The following UBXN7 variants were observed in gnomAD, a reference collection of about 807,000 sequenced individuals.
The protein encoded by UBXN7 is UBX domain-containing protein 7.
A neutral mutation model predicts 58.0 loss-of-function variants in UBXN7; 9 were observed. The ratio of observed to expected loss-of-function variants is 0.16; its 90% CI spans 0.09 to 0.27. UBXN7 has a LOEUF of 0.27. UBXN7 is among the 10% of genes least tolerant of loss of function. UBXN7 has a pLI of 1.00. For missense variants in UBXN7, 328 were observed against 599.6 expected (o/e 0.55, Z 4.73); for synonymous variants, 208 against 205.0 (o/e 1.01, Z -0.12).
Position 196,391,944 on chromosome 3 carries a change from A to G in UBXN7, c.356-19T>C. ...TGCCGAACTATAATACAGAAGGATGAAAGTTTCAGTTAGCCATAATCATGA... is the reference window on the plus strand; with the variant it reads ...TGCCGAACTATAATACAGAAGGATGGAAGTTTCAGTTAGCCATAATCATGA... On this transcript the variant is annotated intron_variant, in intron 4 of 10. Transcript: ENST00000296328. The G allele has an allele frequency of 7.0e-7, 1 of 1,428,610 alleles. No homozygotes were observed. Among genetic ancestry groups the G allele is most frequent in the East Asian group, 2.5e-5 (1 of 40,598 alleles). 88.5% of individuals were successfully genotyped at this position (1,428,610 alleles called of 1,614,324 possible).
intron 1 of UBXN7, among the ~76,000 whole-genome samples, chr3:196,426,007 C>A (rs1446566184): frequency 6.6e-6 from 1 of 152,078 alleles, no homozygotes; most frequent in South Asian, 2.1e-4. Flanking sequence ...AAGATGTGAA[C>A]CATGCCTGGC....
At chr3:196,408,586 T>C (rs575992028) in intron 1 of UBXN7, among the ~76,000 whole-genome samples, 2 of 152,310 alleles carry the variant, frequency 1.3e-5, no homozygotes, top group African/African-American at 4.8e-5. Context: ...ATCTGAATTA[T>C]GTCCCTTAGA....
chr3:196,376,545 C>CAAAAAAAAAAA (rs777458391), intron 5 of UBXN7, among the ~76,000 whole-genome samples: 14 of 50,810 alleles, frequency 2.8e-4, no homozygotes, highest in Non-Finnish European at 3.6e-4. Context: ...GACTCTGTCT[C>CAAAAAAAAAAA]AAAAAAAAAA....
intron 5 of UBXN7, among the ~76,000 whole-genome samples, chr3:196,379,739 T>G (rs1231226039): frequency 1.3e-5 from 2 of 152,038 alleles, no homozygotes. Flanking sequence ...GGGTTGGGGG[T>G]ATCTTCGGTA....
intron 3 of UBXN7, among the ~76,000 whole-genome samples, chr3:196,402,017 A>G (rs11720438): frequency 2.0e-5 from 3 of 151,986 alleles, no homozygotes; most frequent in Admixed American, 1.3e-4. Context: ...TCTTGTACTC[A>G]ATTGTATTTA....
At chr3:196,409,957 T>G (rs1381461699) in intron 1 of UBXN7, among the ~76,000 whole-genome samples, 4 of 137,766 alleles carry the variant, frequency 2.9e-5, no homozygotes, top group Non-Finnish European at 6.4e-5. Flanking sequence ...TTTTTTTTTT[T>G]GAGACGGAGT....
intron 10 of UBXN7, among the ~76,000 whole-genome samples, 196 bp from the exon 11 acceptor site, chr3:196,357,042 C>T (rs1350495473): frequency 6.6e-6 from 1 of 152,180 alleles, no homozygotes; most frequent in African/African-American, 2.4e-5. Context: ...AATCTGACCC[C>T]AATTACTTAC....
chr3:196,392,970 A>G (rs1411416334), intron 4 of UBXN7, among the ~76,000 whole-genome samples: 2 of 152,204 alleles, frequency 1.3e-5, no homozygotes, highest in African/African-American at 2.4e-5. Context: ...CAATGAACTC[A>G]TTCTAAATAA....
intron 1 of UBXN7, among the ~76,000 whole-genome samples, chr3:196,420,998 T>C (rs1730664262): frequency 1.3e-5 from 2 of 152,216 alleles, no homozygotes; most frequent in Non-Finnish European, 2.9e-5. Flanking sequence ...TCCCCAGCAA[T>C]GATACCAAAG....
At chr3:196,371,264 G>GT (rs1288711446) in intron 6 of UBXN7, among the ~76,000 whole-genome samples, 1 of 152,162 alleles carries the variant, frequency 6.6e-6, no homozygotes, top group African/African-American at 2.4e-5. Flanking sequence ...GAGAAGGGGT[G>GT]TAAGTATAAA....
intron 1 of UBXN7, among the ~76,000 whole-genome samples, chr3:196,420,970 C>T (rs1682928982): frequency 6.6e-6 from 1 of 152,150 alleles, no homozygotes; most frequent in Non-Finnish European, 1.5e-5. Flanking sequence ...CAAGAGGTTA[C>T]TTTTCGGTTC....
At chr3:196,369,607 T>G in intron 6 of UBXN7, 96 bp from the exon 7 acceptor site, 2 of 830,322 alleles carry the variant, frequency 2.4e-6, no homozygotes, top group Non-Finnish European at 3.9e-6. Flanking sequence ...TCTCCAAATA[T>G]ACCTCCGGCC....
At chr3:196,395,967 T>C (rs914312523) in intron 3 of UBXN7, among the ~76,000 whole-genome samples, 1 of 152,092 alleles carries the variant, frequency 6.6e-6, no homozygotes, top group African/African-American at 2.4e-5. Flanking sequence ...GGTTTCACCA[T>C]GTTGGCCAGG....
intron 1 of UBXN7, among the ~76,000 whole-genome samples, chr3:196,408,878 G>A (rs377237099): frequency 6.6e-6 from 1 of 152,148 alleles, no homozygotes; most frequent in Non-Finnish European, 1.5e-5. Context: ...TGATTTGTCA[G>A]GGTGATTTTA....
chr3:196,427,599 G>A (rs560607494), intron 1 of UBXN7, among the ~76,000 whole-genome samples: 4 of 152,336 alleles, frequency 2.6e-5, no homozygotes, highest in African/African-American at 9.6e-5. Context: ...GATTACAGGC[G>A]TGAGCCACCG....
intron 10 of UBXN7, among the ~76,000 whole-genome samples, chr3:196,357,605 T>C (rs1274913844): frequency 1.3e-5 from 2 of 152,066 alleles, no homozygotes; most frequent in African/African-American, 2.4e-5. Flanking sequence ...AAATCCCATC[T>C]CATCAAAAAA....
At chr3:196,383,490 T>A (rs994972479) in intron 5 of UBXN7, among the ~76,000 whole-genome samples, 1 of 152,162 alleles carries the variant, frequency 6.6e-6, no homozygotes, top group Non-Finnish European at 1.5e-5. Flanking sequence ...ATCAACAGAA[T>A]ATACATTTCT....
rs1322256577 is a variant in UBXN7 at position 196,350,419 on chromosome 3, G to T, written c.*6266C>A. 1 of 152,124 alleles carries T rather than the reference G, an allele frequency of 6.6e-6. No individual in the cohort carries two copies. Among genetic ancestry groups the T allele is most frequent in the Non-Finnish European group, 1.5e-5 (1 of 68,028 alleles). 9.4% of individuals were successfully genotyped at this position (152,124 alleles called of 1,614,324 possible). On this transcript the variant is annotated 3_prime_UTR_variant, in exon 11 of 11. Transcript: ENST00000296328. ...ATAAAAGTAAGTTTGCCTCAAAAAT[G>T]TCCTTCAATTTTATAAAAAATGAAG...
intron 8 of UBXN7, among the ~76,000 whole-genome samples, chr3:196,365,837 T>A (rs1399553621): frequency 6.6e-6 from 1 of 151,954 alleles, no homozygotes; most frequent in Non-Finnish European, 1.5e-5. Context: ...TAGTTTAAAA[T>A]TTTCCACCAA....
Sources: gnomAD v4.1 joint callset for allele counts (sites outside exome capture counted in the v4.1 genomes callset) on GRCh38, gnomAD v4.1.1 for gene constraint, MANE v1.5 for transcripts, NCBI Gene and HGNC (gene_info 2026-07-23, HGNC 2026-07-21) for gene names.